The following TBC1D5 variants were observed in gnomAD, a reference collection of about 807,000 sequenced individuals.
The protein encoded by TBC1D5 is TBC1 domain family, member 5.
TBC1D5 carries 75 observed loss-of-function variants against 100.3 expected under a neutral mutation model. The observed-to-expected ratio is 0.75, with a 90% CI of 0.62 to 0.91. TBC1D5 has a LOEUF of 0.91. Ranked by LOEUF, TBC1D5 falls within the 40% of genes least tolerant of loss-of-function variation. The pLI is 0.00. For missense variants in TBC1D5, 910 were observed against 942.4 expected (o/e 0.97, Z 0.45); for synonymous variants, 323 against 325.6 (o/e 0.99, Z 0.09).
At chr3:17,730,136 G>A (rs1337582883) in intron 1 of TBC1D5, among the ~76,000 whole-genome samples, 1 of 151,994 alleles carries the variant, frequency 6.6e-6, no homozygotes, top group Non-Finnish European at 1.5e-5. Context: ...TATACTTAAT[G>A]TTGTACTTTG....
intron 13 of TBC1D5, among the ~76,000 whole-genome samples, chr3:17,369,748 C>G (rs1349239969): frequency 2.6e-5 from 4 of 152,116 alleles, no homozygotes; most frequent in African/African-American, 9.7e-5. Flanking sequence ...TAAGAAAATT[C>G]AAGCACTCTG....
chr3:17,561,828 C>T (rs377750997), intron 2 of TBC1D5, among the ~76,000 whole-genome samples: 4 of 152,126 alleles, frequency 2.6e-5, no homozygotes, highest in East Asian at 1.9e-4. Context: ...ACAAGAGGAA[C>T]GATCTCACAA....
intron 1 of TBC1D5, among the ~76,000 whole-genome samples, chr3:17,638,282 C>A (rs1278413412): frequency 6.6e-6 from 1 of 151,968 alleles, no homozygotes; most frequent in Non-Finnish European, 1.5e-5. Context: ...TTACTCAATT[C>A]CAAAAATTAC....
chr3:17,608,020 G>A (rs1220958269), intron 2 of TBC1D5, among the ~76,000 whole-genome samples: 1 of 152,076 alleles, frequency 6.6e-6, no homozygotes, highest in Non-Finnish European at 1.5e-5. Context: ...ATACACAATG[G>A]TGACACATTA....
At chr3:17,176,936 A>G (rs1205071395) in intron 19 of TBC1D5, among the ~76,000 whole-genome samples, 1 of 152,132 alleles carries the variant, frequency 6.6e-6, no homozygotes, top group Non-Finnish European at 1.5e-5. Context: ...TGGGAATGCT[A>G]CCCCCTGTGG....
At chr3:17,520,674 C>T (rs750079721) in intron 2 of TBC1D5, among the ~76,000 whole-genome samples, 1 of 151,550 alleles carries the variant, frequency 6.6e-6, no homozygotes, top group Non-Finnish European at 1.5e-5. Flanking sequence ...AATGGGTTGC[C>T]AAATAAATAA....
chr3:17,730,148 T>G (rs537337622), intron 1 of TBC1D5, among the ~76,000 whole-genome samples: 1 of 152,348 alleles, frequency 6.6e-6, no homozygotes, highest in Non-Finnish European at 1.5e-5. Flanking sequence ...TGTACTTTGA[T>G]TCTTAAGAAG....
At chr3:17,612,681 A>G (rs1013945154) in intron 2 of TBC1D5, among the ~76,000 whole-genome samples, 1 of 152,044 alleles carries the variant, frequency 6.6e-6, no homozygotes, top group African/African-American at 2.4e-5. Context: ...ATAATTATAC[A>G]TAGAAGAACT....
intron 1 of TBC1D5, among the ~76,000 whole-genome samples, chr3:17,630,339 T>C (rs1167106703): frequency 6.6e-6 from 1 of 152,256 alleles, no homozygotes; most frequent in African/African-American, 2.4e-5. Context: ...TGCGATACAA[T>C]ATTTTTTCCA....
chr3:17,614,564 G>A (rs1202628030), intron 2 of TBC1D5, among the ~76,000 whole-genome samples: 1 of 152,082 alleles, frequency 6.6e-6, no homozygotes, highest in African/African-American at 2.4e-5. Context: ...TTATTTCGTT[G>A]AGCAGTGGTT....
At chr3:17,287,920 T>C (rs1427774822) in intron 15 of TBC1D5, among the ~76,000 whole-genome samples, 2 of 152,158 alleles carry the variant, frequency 1.3e-5, no homozygotes, top group African/African-American at 4.8e-5. Context: ...TCAACACTAC[T>C]ATCATATGAA....
At chr3:17,537,136 T>C (rs1468810404) in intron 2 of TBC1D5, among the ~76,000 whole-genome samples, 2 of 152,188 alleles carry the variant, frequency 1.3e-5, no homozygotes, top group African/African-American at 4.8e-5. Context: ...GTCAATGAAA[T>C]AAATTTTTAG....
chr3:17,618,920 C>G (rs766413354), intron 2 of TBC1D5, among the ~76,000 whole-genome samples: 12 of 152,180 alleles, frequency 7.9e-5, no homozygotes, highest in Non-Finnish European at 1.2e-4. Flanking sequence ...ACTGTCCAAC[C>G]AGTCCCAGTG....
intron 4 of TBC1D5, among the ~76,000 whole-genome samples, chr3:17,418,157 T>C (rs1348731605): frequency 6.6e-6 from 1 of 152,184 alleles, no homozygotes; most frequent in Non-Finnish European, 1.5e-5. Flanking sequence ...CATTTGCAGG[T>C]TATTTTTTAT....
chr3:17,351,726 A>AT (rs1442469823), intron 13 of TBC1D5, among the ~76,000 whole-genome samples: 1 of 152,160 alleles, frequency 6.6e-6, no homozygotes, highest in South Asian at 2.1e-4. Context: ...TTAAAGTATA[A>AT]TTTAAAAAAA....
chr3:17,644,364 T>G (rs982165894), intron 1 of TBC1D5, among the ~76,000 whole-genome samples: 1 of 152,256 alleles, frequency 6.6e-6, no homozygotes, highest in Admixed American at 6.5e-5. Flanking sequence ...TCACCCAGAA[T>G]ACACGGAATT....
At chr3:17,490,835 A>G (rs2095631601) in intron 3 of TBC1D5, among the ~76,000 whole-genome samples, 1 of 152,166 alleles carries the variant, frequency 6.6e-6, no homozygotes, top group Admixed American at 6.5e-5. Flanking sequence ...GTTTTTTCTA[A>G]TATTGTGAAG....
At chr3:17,440,474 G>A (rs1028793808) in intron 3 of TBC1D5, among the ~76,000 whole-genome samples, 5 of 152,050 alleles carry the variant, frequency 3.3e-5, no homozygotes, top group Admixed American at 1.3e-4. Flanking sequence ...AAAATTAGCC[G>A]GGCATGGTGG....
At chr3:17,466,477 C>T (rs1179551639) in intron 3 of TBC1D5, among the ~76,000 whole-genome samples, 2 of 152,220 alleles carry the variant, frequency 1.3e-5, no homozygotes, top group East Asian at 3.8e-4. Flanking sequence ...GAAGACACAT[C>T]TAAAGCAATG....
Sources: allele counts gnomAD v4.1 joint callset (sites outside exome capture counted in the v4.1 genomes callset), GRCh38; gene constraint gnomAD v4.1.1; transcripts MANE v1.5; gene names NCBI Gene and HGNC (gene_info 2026-07-23, HGNC 2026-07-21).